CACNA1I: variants seen among roughly 807,000 people sequenced by gnomAD.
CACNA1I encodes voltage-dependent T-type calcium channel subunit alpha-1I.
A neutral mutation model predicts 201.6 loss-of-function variants in CACNA1I; 74 were observed. The ratio of observed to expected loss-of-function variants is 0.37; its 90% CI spans 0.30 to 0.45. The LOEUF is 0.45. CACNA1I is among the 20% of genes least tolerant of loss of function. CACNA1I has a pLI of 1.00. For synonymous variants in CACNA1I, 1,431 were observed against 1,345.2 expected, an observed-to-expected ratio of 1.06 and a Z score of -1.40; for missense variants, 2,346 against 3,138.1, an observed-to-expected ratio of 0.75 and a Z score of 6.03.
intron 15 of CACNA1I, among the ~76,000 whole-genome samples, chr22:39,660,701 G>A (rs1044647888): frequency 9.9e-5 from 15 of 152,194 alleles, no homozygotes; most frequent in East Asian, 1.9e-4. Flanking sequence ...CTTGGTTAGA[G>A]CCTTGGGGCC....
chr22:39,682,768 AT>A, intron 35 of CACNA1I, 107 bp downstream of exon 35: 1 of 935,340 alleles, frequency 1.1e-6, no homozygotes, highest in Non-Finnish European at 1.6e-6. Context: ...AGATTATTAT[AT>A]TTAGTCCAGA....
At position 39,679,466 on chromosome 22, in the gene CACNA1I, T is replaced by A. The variant is rs1041547265; in HGVS notation, c.5394+21T>A. 3.6e-6 allele frequency: 5 copies of A among 1,404,142 alleles called. No individual in the cohort carries two copies. The African/African-American group carries it at 7.5e-5, about 21-fold the overall frequency. 87.0% of individuals were successfully genotyped at this position (1,404,142 alleles called of 1,614,324 possible). On this transcript the variant is annotated intron_variant, in intron 32 of 36. Coordinates refer to ENST00000402142, the MANE Select transcript of CACNA1I (RefSeq NM_021096.4). ...CCCAGGTGGGCAGGGGCTGGAGAGG[T>A]GTGAGGGTCGCCAGAGGGGGGGCAC...
intron 1 of CACNA1I, among the ~76,000 whole-genome samples, chr22:39,572,388 C>A (rs1027904787): frequency 2.0e-5 from 3 of 151,996 alleles, no homozygotes; most frequent in Admixed American, 1.3e-4. Context: ...AGGCCTGAGT[C>A]CTGCCCTGGA....
intron 29 of CACNA1I, among the ~76,000 whole-genome samples, chr22:39,675,234 C>T (rs1459673774): frequency 6.6e-6 from 1 of 152,228 alleles, no homozygotes; most frequent in East Asian, 1.9e-4. Context: ...GCGCTTATTT[C>T]AAAGGGCGGC....
In CACNA1I at chr22:39,648,069, T is replaced by C; in HGVS notation, c.1567+143T>C. The C allele has an allele frequency of 1.4e-6, 1 of 717,662 alleles. No homozygotes were observed. 44.5% of individuals were successfully genotyped at this position (717,662 alleles called of 1,614,324 possible). ...TGCAGGCCTGTCTCCCTCTATAAAG[T>C]GAGGACAGGGGCCCCCAGCACGTGG... On this transcript the variant is annotated intron_variant, in intron 9 of 36. Transcript: ENST00000402142. This position sits in a 1 kb window ranked among gnomAD's most constrained non-coding sequence, Gnocchi z 5.4.
intron 3 of CACNA1I, among the ~76,000 whole-genome samples, chr22:39,618,549 A>G (rs1038544559): frequency 6.6e-6 from 1 of 152,068 alleles, no homozygotes; most frequent in African/African-American, 2.4e-5. Context: ...CTTTCACTCA[A>G]TGACTCTTCA....
rs1414679701 is a variant in CACNA1I at position 39,679,275 on chromosome 22, G to A, written c.5224G>A (p.Glu1742Lys). Residue 1742 changes from glutamate (E) to lysine (K), a missense_variant, in exon 32 of 37, where the codon GAG becomes AAG. Coordinates refer to ENST00000402142, the MANE Select transcript of CACNA1I (RefSeq NM_021096.4). ...HLDDSNKEAQ[E>K]DAEMDAELEL... The stretch of plus-strand genomic sequence containing the variant: ...GGACGACAGCAACAAGGAGGCGCAG[G>A]AGGACGCCGAGATGGATGCCGAGCT... The A allele has an allele frequency of 6.3e-7, 1 of 1,577,702 alleles. No individual in the cohort carries two copies.
intron 35 of CACNA1I, among the ~76,000 whole-genome samples, chr22:39,682,879 T>G (rs1935746732): frequency 6.6e-6 from 1 of 152,076 alleles, no homozygotes; most frequent in Non-Finnish European, 1.5e-5. Context: ...GATGAGGTAA[T>G]TATAACAAAA....
intron 1 of CACNA1I, chr22:39,587,771 A>G (rs1932773257): frequency 2.3e-6 from 1 of 439,188 alleles, no homozygotes; most frequent in Non-Finnish European, 4.5e-6. Context: ...ATTTTATTTG[A>G]TTTATAATTA....
chr22:39,676,017 A>T lies in CACNA1I; in HGVS notation c.4855-1324A>T, dbSNP rs1168516725. Among the ~76,000 whole-genome samples, 1 of 152,152 alleles carries T rather than the reference A, an allele frequency of 6.6e-6. No individual in the cohort carries two copies. The highest frequency in any genetic ancestry group is 1.5e-5 in the Non-Finnish European group (1 of 68,012). On this transcript the variant is annotated intron_variant, in intron 29 of 36. Coordinates refer to ENST00000402142, the MANE Select transcript of CACNA1I (RefSeq NM_021096.4). This position sits in a 1 kb window ranked among gnomAD's most constrained non-coding sequence, Gnocchi z 4.8. ...GAAGGCTGCAGCCGAGCTGCCTTTG[A>T]GAAGGTGGCTCTGCTGGCTGGGAGG...
intron 1 of CACNA1I, among the ~76,000 whole-genome samples, chr22:39,573,188 G>C (rs539554399): frequency 6.6e-6 from 1 of 152,266 alleles, no homozygotes; most frequent in African/African-American, 2.4e-5. Flanking sequence ...CTGGTAGGAG[G>C]ACCAGGGGGA....
In CACNA1I at chr22:39,659,183, T is replaced by C; in HGVS notation, c.2330+67T>C. 6.4e-7 allele frequency: 1 copy of C among 1,573,212 alleles called. No individual in the cohort carries two copies. Among genetic ancestry groups the C allele is most frequent in the Non-Finnish European group, 8.6e-7 (1 of 1,158,390 alleles). On this transcript the variant is annotated intron_variant, in intron 12 of 36. Transcript: ENST00000402142. This position sits in a 1 kb window ranked among gnomAD's most constrained non-coding sequence, Gnocchi z 4.3. ...GGGCTGTGGGCGGGAGCCTGGGGGATGTGGTCCACTGTGCTTCTCTGGACA... is the reference window on the plus strand; with the variant it reads ...GGGCTGTGGGCGGGAGCCTGGGGGACGTGGTCCACTGTGCTTCTCTGGACA...
intron 3 of CACNA1I, among the ~76,000 whole-genome samples, chr22:39,605,232 T>C (rs1230132328): frequency 1.3e-5 from 2 of 152,052 alleles, no homozygotes; most frequent in African/African-American, 2.4e-5. Flanking sequence ...GAGGCAGACA[T>C]AGCACCTCCG....
At chr22:39,587,298 A>G (rs970068312) in intron 1 of CACNA1I, among the ~76,000 whole-genome samples, 2 of 152,220 alleles carry the variant, frequency 1.3e-5, no homozygotes, top group Non-Finnish European at 2.9e-5. Flanking sequence ...AAGGATCTCA[A>G]TGCACTGAGA....
At position 39,664,071 on chromosome 22, in the gene CACNA1I, G is replaced by T; in HGVS notation, c.3598-20G>T. 1 of 1,612,090 alleles carries T rather than the reference G, an allele frequency of 6.2e-7. No homozygotes were observed. The highest frequency in any genetic ancestry group is 8.5e-7 in the Non-Finnish European group (1 of 1,178,476). ...AGCTCTGGGAGCCCCTGAGCCTATG[G>T]TATCTCCCGATGCTTTCAGGAACGC... On this transcript the variant is annotated intron_variant, in intron 19 of 36. Coordinates refer to ENST00000402142, the MANE Select transcript of CACNA1I (RefSeq NM_021096.4).
In CACNA1I at chr22:39,659,531, C is replaced by T; in HGVS notation, c.2429C>T (p.Ala810Val). The change falls in exon 13 of 37, where the codon GCC (alanine) becomes GTC (valine). Residue 810 changes from alanine (A) to valine (V), a missense_variant. By Grantham distance (64) the Ala-to-Val change is moderately conservative (BLOSUM62 0). This residue lies in a region of CACNA1I where 155 missense variants were observed against 300.8 expected (regional missense o/e 0.52). Coordinates refer to ENST00000402142, the MANE Select transcript of CACNA1I (RefSeq NM_021096.4). The surrounding 1 kb of genome is among the most constrained non-coding windows in gnomAD (Gnocchi z 4.3). ...AAGAACTTCGACTCCCTGCTGTGGG[C>T]CATCGTCACTGTGTTCCAGGTGAGT... Reference protein sequence around the residue: ...DRKNFDSLLWAIVTVFQILTQ... With the variant: ...DRKNFDSLLWVIVTVFQILTQ... 6.2e-7 allele frequency: 1 copy of T among 1,604,272 alleles called. No homozygotes were observed. The highest frequency in any genetic ancestry group is 8.5e-7 in the Non-Finnish European group (1 of 1,174,712).
At chr22:39,624,887 G>A (rs868102135) in intron 4 of CACNA1I, among the ~76,000 whole-genome samples, 1 of 150,060 alleles carries the variant, frequency 6.7e-6, no homozygotes, top group Non-Finnish European at 1.5e-5. Context: ...GGTTTGAGCT[G>A]CTTCTGCCCT....
intron 1 of CACNA1I, among the ~76,000 whole-genome samples, chr22:39,583,205 CATCCATCCATCCAACA>C (rs1420786563): frequency 1.4e-5 from 2 of 147,926 alleles, no homozygotes; most frequent in Non-Finnish European, 3.0e-5. Flanking sequence ...ACAATCCATC[CATCCATCCATCCAACA>C]ATCCATCCAT....
chr22:39,604,822 C>G (rs1021805759), intron 3 of CACNA1I, among the ~76,000 whole-genome samples: 3 of 151,982 alleles, frequency 2.0e-5, no homozygotes, highest in African/African-American at 2.4e-5. Context: ...AAGTGATCCT[C>G]CCACCTTGGC....
Sources: gnomAD v4.1 joint callset for allele counts (sites outside exome capture counted in the v4.1 genomes callset) on GRCh38, gnomAD v4.1.1 for gene constraint, gnomAD v4.1.1 regional missense constraint, Gnocchi (gnomAD v3.1) non-coding constraint, MANE v1.5 for transcripts, NCBI Gene and HGNC (gene_info 2026-07-23, HGNC 2026-07-21) for gene names.